VEGFA: variants seen among roughly 807,000 people sequenced by gnomAD.
VEGFA encodes vascular endothelial growth factor A, long form.
In VEGFA, 20 loss-of-function variants were observed where a neutral mutation model predicts 49.7. That is an observed-to-expected ratio of 0.40 (90% CI 0.28 to 0.58). The LOEUF (loss-of-function observed/expected upper bound fraction) is 0.58. Ranked by LOEUF, VEGFA falls within the 20% of genes least tolerant of loss-of-function variation. The pLI is 0.40. For synonymous variants in VEGFA, 219 were observed against 223.4 expected, an observed-to-expected ratio of 0.98 and a Z score of 0.18; for missense variants, 505 against 553.5, an observed-to-expected ratio of 0.91 and a Z score of 0.88.
Position 43,785,492 on chromosome 6 carries a change from C to T in VEGFA, c.*930C>T, listed in dbSNP as rs1474152384. 10 of 218,760 alleles carry T rather than the reference C, an allele frequency of 4.6e-5. No individual in the cohort carries two copies. Among genetic ancestry groups the T allele is most frequent in the Middle Eastern group, 1.4e-3 (1 of 718 alleles). The allele number at this position is 218,760 out of a possible 1,614,324, so 13.6% of individuals were successfully genotyped here. On this transcript the variant is annotated 3_prime_UTR_variant, in exon 8 of 8. Coordinates refer to ENST00000672860, the MANE Select transcript of VEGFA (RefSeq NM_003376.6). The stretch of plus-strand genomic sequence containing the variant: ...CCCAGGAGACCACTGGCAGATGTCC[C>T]GGCGAAGAGAAGAGACACATTGTTG...
rs375467727 is a variant in VEGFA, at chr6:43,774,402, C to A, written c.658+10C>A. ...CAGAATCATCACGAAGGTGAGTCCC[C>A]CTGGCTGTTGGATGGGGTTCCCTGT... On this transcript the variant is annotated intron_variant, in intron 2 of 7. Transcript: ENST00000672860. 6.2e-7 allele frequency: 1 copy of A among 1,614,130 alleles called. No individual in the cohort carries two copies. Among genetic ancestry groups the A allele is most frequent in the Non-Finnish European group, 8.5e-7 (1 of 1,180,026 alleles).
chr6:43,781,692 A>G (rs938579562), intron 6 of VEGFA: 7 of 444,996 alleles, frequency 1.6e-5, no homozygotes, highest in Admixed American at 1.3e-4. Context: ...GAGACACAGC[A>G]TTGCCCCTTA....
chr6:43,771,340 C>G (rs1314224676), intron 1 of VEGFA, 28 bp downstream of exon 1: 1 of 1,586,778 alleles, frequency 6.3e-7, no homozygotes, highest in Admixed American at 1.7e-5. Context: ...GCTGGCGCCG[C>G]GGGCCGCTGC....
At position 43,784,388 on chromosome 6, in the gene VEGFA, T is replaced by G. The variant is rs1462619181; in HGVS notation, c.1167-153T>G. On this transcript the variant is annotated intron_variant, in intron 7 of 7. Transcript: ENST00000672860. ...GGGCTGTTCTCATACTGGGGCTTTC[T>G]GCCCCAGGACCACACCTTCCTGTCC... The G allele has an allele frequency of 2.0e-5, 16 of 797,286 alleles. No individual in the cohort carries two copies. The East Asian group carries it at 2.8e-4, about 14-fold the overall frequency. The allele number at this position is 797,286 out of a possible 1,614,324, so 49.4% of individuals were successfully genotyped here. A position where few individuals can be genotyped will look rare whatever the true frequency, so the allele number is the denominator to read the frequency against.
At chr6:43,779,410 A>T in intron 5 of VEGFA, 1 of 339,906 alleles carries the variant, frequency 2.9e-6, no homozygotes, top group Non-Finnish European at 5.7e-6. Flanking sequence ...GCAGACACAC[A>T]GCCCTCTTGG....
intron 6 of VEGFA, chr6:43,781,747 TC>T (rs1409345336): frequency 8.5e-6 from 5 of 589,208 alleles, no homozygotes; most frequent in Non-Finnish European, 1.5e-5. Flanking sequence ...GCCCGCCTCT[TC>T]CTGCGGCAGG....
chr6:43,780,596 C>A (rs907449481), intron 5 of VEGFA, 136 bp from the exon 6 acceptor site: 8 of 1,317,098 alleles, frequency 6.1e-6, no homozygotes, highest in Non-Finnish European at 8.5e-6. Context: ...GACCACCTGC[C>A]TCCTGACACT....
chr6:43,777,757 T>A lies in VEGFA; in HGVS notation c.855+92T>A, dbSNP rs764302929. 1 of 1,386,900 alleles carries A rather than the reference T, an allele frequency of 7.2e-7. No individual in the cohort carries two copies. Among genetic ancestry groups the A allele is most frequent in the Non-Finnish European group, 9.8e-7 (1 of 1,020,126 alleles). 85.9% of individuals were successfully genotyped at this position (1,386,900 alleles called of 1,614,324 possible). A position where few individuals can be genotyped will look rare whatever the true frequency, so the allele number is the denominator to read the frequency against. ...GTCCCAGGTCGTTTCCTGGCTAGAT[T>A]TGCCTTGTCTGGCTCCTGCCCCTGA... is the stretch of plus-strand genomic sequence containing the variant. On this transcript the variant is annotated intron_variant, in intron 3 of 7. Coordinates refer to ENST00000672860, the MANE Select transcript of VEGFA (RefSeq NM_003376.6). The surrounding 1 kb of genome is among the most constrained non-coding windows in gnomAD (Gnocchi z 4.3).
rs1447164963 is a variant in VEGFA, at chr6:43,785,414, G to A, written c.*852G>A. 4.6e-6 allele frequency: 1 copy of A among 219,774 alleles called. No individual in the cohort carries two copies. The highest frequency in any genetic ancestry group is 9.1e-6 in the Non-Finnish European group (1 of 109,382). 13.6% of individuals were successfully genotyped at this position (219,774 alleles called of 1,614,324 possible). On this transcript the variant is annotated 3_prime_UTR_variant, in exon 8 of 8. Coordinates refer to ENST00000672860, the MANE Select transcript of VEGFA (RefSeq NM_003376.6). ...ATCTCGCCCCCAGGGGCACTGCCTGGAAGATTCAGGAGCCTGGGCGGCCTT... is the reference window on the plus strand; with the variant it reads ...ATCTCGCCCCCAGGGGCACTGCCTGAAAGATTCAGGAGCCTGGGCGGCCTT...
chr6:43,778,807 T>C, intron 4 of VEGFA, 82 bp from the exon 5 acceptor site: 1 of 1,470,478 alleles, frequency 6.8e-7, no homozygotes, highest in South Asian at 1.1e-5. Context: ...ACTGTGATTA[T>C]TATTGTTGTT....
rs1232786789 is a variant in VEGFA at position 43,784,770 on chromosome 6, G to A, written c.*208G>A. On this transcript the variant is annotated 3_prime_UTR_variant, in exon 8 of 8. Coordinates refer to ENST00000672860, the MANE Select transcript of VEGFA (RefSeq NM_003376.6). ...TGGGTCCGGAGGGCGAGACTCCGGC[G>A]GAAGCATTCCCGGGCGGGTGACCCA... The A allele has an allele frequency of 3.6e-5, 32 of 876,722 alleles. No individual in the cohort carries two copies. The highest frequency in any genetic ancestry group is 1.8e-4 in the Admixed American group (9 of 49,732). The allele number at this position is 876,722 out of a possible 1,614,324, so 54.3% of individuals were successfully genotyped here. A position where few individuals can be genotyped will look rare whatever the true frequency, so the allele number is the denominator to read the frequency against.
Position 43,785,173 on chromosome 6 carries a change from C to T in VEGFA, c.*611C>T, listed in dbSNP as rs1769245762. On this transcript the variant is annotated 3_prime_UTR_variant, in exon 8 of 8. Coordinates refer to ENST00000672860, the MANE Select transcript of VEGFA (RefSeq NM_003376.6). ...GTGGGGCCAGGGTCCTCTCCCCTGC[C>T]CAGGAATGTGCAAGGCCAGGGCATG... The T allele has an allele frequency of 5.3e-6, 1 of 188,244 alleles. No individual in the cohort carries two copies. The highest frequency in any genetic ancestry group is 1.1e-5 in the Non-Finnish European group (1 of 89,254). The allele number at this position is 188,244 out of a possible 1,614,324, so 11.7% of individuals were successfully genotyped here.
chr6:43,770,934 G>C lies in VEGFA; in HGVS notation c.228G>C (p.Pro76=). The C allele has an allele frequency of 1.3e-6, 2 of 1,544,642 alleles. No individual in the cohort carries two copies. The highest frequency in any genetic ancestry group is 1.7e-6 in the Non-Finnish European group (2 of 1,145,442). ...TGGTCCGCGCGGGGGAAGCCGAGCC[G>C]AGCGGAGCCGCGAGAAGTGCTAGCT... Residue 76 remains proline (P), a synonymous_variant, in exon 1 of 8, where the codon CCG becomes CCC. Coordinates refer to ENST00000672860, the MANE Select transcript of VEGFA (RefSeq NM_003376.6).
intron 7 of VEGFA, chr6:43,783,454 G>T (rs3025034): frequency 0.024 from 3,587 of 152,418 alleles, 126 homozygotes; most frequent in African/African-American, 0.081. Flanking sequence ...TATTAGTGCT[G>T]GGGTGGGGGC....
At chr6:43,774,697 G>A in intron 2 of VEGFA, 1 of 508,496 alleles carries the variant, frequency 2.0e-6, no homozygotes, top group Non-Finnish European at 3.6e-6. Flanking sequence ...CCTAGGTGTT[G>A]GGGGAAGTGT....
At chr6:43,776,724 C>T (rs1314928639) in intron 2 of VEGFA, 1 of 155,532 alleles carries the variant, frequency 6.4e-6, no homozygotes, top group African/African-American at 2.4e-5. Flanking sequence ...CAGCTCATGT[C>T]TGGGGAAGAG....
chr6:43,785,291 C>T lies in VEGFA; in HGVS notation c.*729C>T, dbSNP rs1171357298. The T allele has an allele frequency of 4.8e-6, 1 of 207,692 alleles. No individual in the cohort carries two copies. The highest frequency in any genetic ancestry group is 9.9e-6 in the Non-Finnish European group (1 of 101,506). The allele number at this position is 207,692 out of a possible 1,614,324, so 12.9% of individuals were successfully genotyped here. A position where few individuals can be genotyped will look rare whatever the true frequency, so the allele number is the denominator to read the frequency against. On this transcript the variant is annotated 3_prime_UTR_variant, in exon 8 of 8. Coordinates refer to ENST00000672860, the MANE Select transcript of VEGFA (RefSeq NM_003376.6). ...AGGTCAGACGGACAGAAAGACAGAT[C>T]ACAGGTACAGGGATGAGGACACCGG...
intron 2 of VEGFA, 181 bp downstream of exon 2, chr6:43,774,573 G>C: frequency 1.4e-6 from 1 of 699,502 alleles, no homozygotes; most frequent in East Asian, 2.7e-5. Flanking sequence ...ACTCTCCGCT[G>C]TTCAGGTCTC....
chr6:43,781,921 C>G (rs756482458), intron 6 of VEGFA, 35 bp from the exon 7 acceptor site: 4 of 1,612,488 alleles, frequency 2.5e-6, no homozygotes, highest in East Asian at 2.2e-5. Flanking sequence ...TGCTGATGCT[C>G]TAGCTTAGAT....
Sources: gnomAD v4.1 joint callset for allele counts on GRCh38, gnomAD v4.1.1 for gene constraint, Gnocchi (gnomAD v3.1) non-coding constraint, MANE v1.5 for transcripts, NCBI Gene and HGNC (gene_info 2026-07-23, HGNC 2026-07-21) for gene names.